LHFPL3: variants seen among roughly 807,000 people sequenced by gnomAD.
LHFPL3 encodes LHFPL tetraspan subfamily member 3.
LHFPL3 carries 5 observed loss-of-function variants against 19.3 expected under a neutral mutation model. That is an observed-to-expected ratio of 0.26 (90% CI 0.14 to 0.54). The LOEUF (loss-of-function observed/expected upper bound fraction) is 0.54. Among genes scored for constraint, LHFPL3 ranks in the 20% least tolerant of loss-of-function variants. LHFPL3 has a pLI of 0.94. For synonymous variants in LHFPL3, 133 were observed against 126.2 expected (o/e 1.05, Z -0.36); for missense variants, 249 against 307.4 (o/e 0.81, Z 1.42).
At chr7:104,343,110 T>A (rs1013148597) in intron 1 of LHFPL3, among the ~76,000 whole-genome samples, 5 of 152,020 alleles carry the variant, frequency 3.3e-5, no homozygotes, top group African/African-American at 1.2e-4. Flanking sequence ...GGAATGAGTC[T>A]CACTTATAAT....
intron 2 of LHFPL3, among the ~76,000 whole-genome samples, chr7:104,757,261 G>A (rs749723569): frequency 1.3e-5 from 2 of 152,060 alleles, no homozygotes; most frequent in East Asian, 3.8e-4. Context: ...ATCTTAAAAG[G>A]AAACCTAGGA....
At chr7:104,401,978 A>G (rs1180833476) in intron 1 of LHFPL3, among the ~76,000 whole-genome samples, 13 of 152,156 alleles carry the variant, frequency 8.5e-5, no homozygotes, top group Admixed American at 8.5e-4. Flanking sequence ...GAAATGACTC[A>G]CAGGAGTCAT....
intron 1 of LHFPL3, among the ~76,000 whole-genome samples, chr7:104,524,097 T>A (rs1410391202): frequency 6.6e-6 from 1 of 152,222 alleles, no homozygotes; most frequent in Non-Finnish European, 1.5e-5. Flanking sequence ...TATATTTCTG[T>A]TAAATAACAA....
intron 1 of LHFPL3, among the ~76,000 whole-genome samples, chr7:104,653,780 T>G (rs1245663424): frequency 6.6e-6 from 1 of 152,184 alleles, no homozygotes. Context: ...CTGCAAAAAT[T>G]CATCCCTCCT....
At chr7:104,827,946 T>C (rs552329319) in intron 2 of LHFPL3, among the ~76,000 whole-genome samples, 6 of 152,042 alleles carry the variant, frequency 3.9e-5, no homozygotes, top group Admixed American at 1.3e-4. Context: ...GCAGCTGTCC[T>C]GTGCTCCTCA....
intron 1 of LHFPL3, among the ~76,000 whole-genome samples, chr7:104,363,034 C>T (rs1794054962): frequency 6.6e-6 from 1 of 152,238 alleles, no homozygotes; most frequent in African/African-American, 2.4e-5. Context: ...ATCTTGTAGC[C>T]TCTGGCTGCA....
chr7:104,573,731 C>T (rs1196940657), intron 1 of LHFPL3, among the ~76,000 whole-genome samples: 1 of 152,208 alleles, frequency 6.6e-6, no homozygotes, highest in East Asian at 1.9e-4. Flanking sequence ...CCTCAGTGGC[C>T]AGTCCTGATA....
At chr7:104,849,749 T>A (rs1791380657) in intron 2 of LHFPL3, among the ~76,000 whole-genome samples, 1 of 152,262 alleles carries the variant, frequency 6.6e-6, no homozygotes, top group South Asian at 2.1e-4. Context: ...TCTGTCTAGA[T>A]TCTTCTTGGC....
chr7:104,394,367 A>G (rs1378079871), intron 1 of LHFPL3, among the ~76,000 whole-genome samples: 2 of 152,204 alleles, frequency 1.3e-5, no homozygotes, highest in Non-Finnish European at 2.9e-5. Flanking sequence ...CAGAAATATT[A>G]ATTAATGGTG....
intron 1 of LHFPL3, among the ~76,000 whole-genome samples, chr7:104,500,651 C>G (rs1793582734): frequency 6.6e-6 from 1 of 152,172 alleles, no homozygotes; most frequent in South Asian, 2.1e-4. Flanking sequence ...TTTTGGTCCC[C>G]TGCTTCACAT....
At chr7:104,627,034 A>C (rs1358158999) in intron 1 of LHFPL3, among the ~76,000 whole-genome samples, 1 of 152,160 alleles carries the variant, frequency 6.6e-6, no homozygotes, top group South Asian at 2.1e-4. Flanking sequence ...ATAATACGTT[A>C]TTATTAACTA....
Position 104,546,554 on chromosome 7 carries a change from G to A in LHFPL3, c.446-190121G>A, listed in dbSNP as rs146978576. Among the ~76,000 whole-genome samples the A allele has an allele frequency of 1.9e-3, 283 of 152,298 alleles. 3 individuals are homozygous for A. Among genetic ancestry groups the A allele is most frequent in the African/African-American group, 6.0e-3 (249 of 41,568 alleles). On this transcript the variant is annotated intron_variant, in intron 1 of 2. Coordinates refer to ENST00000424859, the MANE Select transcript of LHFPL3 (RefSeq NM_199000.3). ...TGAAAACTGCTCTCTTAAGGAAGGA[G>A]TCCCTCATTGTAATGTGAGTGACAG...
chr7:104,863,516 C>T (rs1455430458), intron 2 of LHFPL3, among the ~76,000 whole-genome samples: 1 of 152,222 alleles, frequency 6.6e-6, no homozygotes, highest in Non-Finnish European at 1.5e-5. Context: ...AAACCCTGAG[C>T]TGCCTCAGGA....
intron 1 of LHFPL3, among the ~76,000 whole-genome samples, chr7:104,567,612 A>G (rs1365375243): frequency 6.6e-6 from 1 of 152,178 alleles, no homozygotes; most frequent in African/African-American, 2.4e-5. Context: ...TTCCAGAATC[A>G]CTTTAGTCAG....
intron 1 of LHFPL3, 106 bp downstream of exon 1, chr7:104,329,330 G>A (rs1801525850): frequency 2.1e-6 from 3 of 1,418,068 alleles, no homozygotes; most frequent in South Asian, 2.8e-5. Flanking sequence ...TGCGAGCCAA[G>A]CCGCCTAATC....
At chr7:104,415,722 T>C (rs910779292) in intron 1 of LHFPL3, among the ~76,000 whole-genome samples, 22 of 152,220 alleles carry the variant, frequency 1.4e-4, no homozygotes, top group African/African-American at 4.8e-4. Context: ...TTCTAAATAG[T>C]TATATAGCAT....
chr7:104,769,694 G>A (rs1323623486), intron 2 of LHFPL3, among the ~76,000 whole-genome samples: 1 of 151,110 alleles, frequency 6.6e-6, no homozygotes, highest in Non-Finnish European at 1.5e-5. Context: ...CCACTTATGA[G>A]TGAGAACATG....
intron 1 of LHFPL3, among the ~76,000 whole-genome samples, chr7:104,603,080 TTCTTTCTTTC>T (rs1466529550): frequency 5.2e-4 from 56 of 107,866 alleles, no homozygotes; most frequent in Non-Finnish European, 3.8e-5. Flanking sequence ...CTTTCTTTCT[TTCTTTCTTTC>T]TTTCTTTCTT....
At chr7:104,584,935 T>C (rs1054614264) in intron 1 of LHFPL3, among the ~76,000 whole-genome samples, 5 of 152,326 alleles carry the variant, frequency 3.3e-5, no homozygotes, top group East Asian at 1.9e-4. Flanking sequence ...TCTGGAGTTA[T>C]GATTTTTTGC....
Sources: gnomAD v4.1 joint callset for allele counts (sites outside exome capture counted in the v4.1 genomes callset) on GRCh38, gnomAD v4.1.1 for gene constraint, MANE v1.5 for transcripts, NCBI Gene and HGNC (gene_info 2026-07-23, HGNC 2026-07-21) for gene names.